Variants in ARK2N observed in about 807,000 individuals in gnomAD.
ARK2N encodes protein ARK2N.
the ARK2N span, among the ~76,000 whole-genome samples, chr18:46,198,161 G>A: frequency 0.17 from 25,391 of 151,584 alleles, 2,570 homozygotes; most frequent in East Asian, 0.4. Flanking sequence ...AGTTAGCCGG[G>A]TATGGTGGTG....
At chr18:46,201,779 C>CTTT in the ARK2N span, among the ~76,000 whole-genome samples, 107 of 135,768 alleles carry the variant, frequency 7.9e-4, no homozygotes, top group African/African-American at 2.6e-3. Flanking sequence ...CTTTTCTTTT[C>CTTT]TTTTTTTTTT....
At chr18:46,215,802 T>A in the ARK2N span, 1 of 1,343,882 alleles carries the variant, frequency 7.4e-7, no homozygotes, top group South Asian at 1.4e-5. Context: ...TTTGTGTGTT[T>A]TTGTACAGGT....
At chr18:46,220,228 A>G in the ARK2N span, among the ~76,000 whole-genome samples, 17 of 152,288 alleles carry the variant, frequency 1.1e-4, no homozygotes, top group Non-Finnish European at 2.5e-4. Flanking sequence ...CTTTTGGAGA[A>G]TGTCATTGAG....
chr18:46,189,475 G>A, the ARK2N span, among the ~76,000 whole-genome samples: 1 of 152,068 alleles, frequency 6.6e-6, no homozygotes, highest in African/African-American at 2.4e-5. Flanking sequence ...ATTATTTAAA[G>A]AGATGGGGTC....
At chr18:46,182,683 C>CTTTTTTTTT in the ARK2N span, among the ~76,000 whole-genome samples, 3 of 87,808 alleles carry the variant, frequency 3.4e-5, no homozygotes, top group African/African-American at 8.8e-5. Flanking sequence ...AGCCACAGTG[C>CTTTTTTTTT]TTTTTTTTTT....
At chr18:46,176,836 C>T in the ARK2N span, among the ~76,000 whole-genome samples, 8 of 152,230 alleles carry the variant, frequency 5.3e-5, no homozygotes, top group South Asian at 1.0e-3. Flanking sequence ...AGGCTGGTCT[C>T]GAACTCCTGA....
chr18:46,260,498 G>T, the ARK2N span, among the ~76,000 whole-genome samples: 3 of 152,190 alleles, frequency 2.0e-5, no homozygotes, highest in Non-Finnish European at 4.4e-5. Context: ...TCTCTTCATT[G>T]TTTAAAGTAG....
chr18:46,199,745 C>T, the ARK2N span, among the ~76,000 whole-genome samples: 1 of 152,124 alleles, frequency 6.6e-6, no homozygotes, highest in Non-Finnish European at 1.5e-5. Context: ...GCTTATGGGA[C>T]TGCAACTGTT....
chr18:46,176,443 T>A, the ARK2N span, among the ~76,000 whole-genome samples: 1 of 150,514 alleles, frequency 6.6e-6, no homozygotes, highest in Non-Finnish European at 1.5e-5. Flanking sequence ...AGGTGAAAAA[T>A]GTGTGTGTGT....
At chr18:46,192,299 T>C in the ARK2N span, among the ~76,000 whole-genome samples, 1 of 151,986 alleles carries the variant, frequency 6.6e-6, no homozygotes, top group African/African-American at 2.4e-5. Context: ...TCTGGCTGGG[T>C]GAGGTGGCTC....
the ARK2N span, chr18:46,253,723 A>G: frequency 5.0e-3 from 7,969 of 1,603,174 alleles, 29 homozygotes; most frequent in Non-Finnish European, 6.2e-3. Flanking sequence ...ATTCCTAGCA[A>G]GTGACAAAAC....
At chr18:46,180,216 G>A in the ARK2N span, among the ~76,000 whole-genome samples, 5 of 152,162 alleles carry the variant, frequency 3.3e-5, no homozygotes, top group African/African-American at 1.2e-4. Context: ...GGTAGATGGT[G>A]TAAATTCCTA....
chr18:46,230,676 A>G, the ARK2N span, among the ~76,000 whole-genome samples: 1 of 152,112 alleles, frequency 6.6e-6, no homozygotes, highest in African/African-American at 2.4e-5. Flanking sequence ...TCTTGTTTTC[A>G]TGGGAGAGAA....
the ARK2N span, among the ~76,000 whole-genome samples, chr18:46,177,486 C>CA: frequency 3.7e-5 from 5 of 135,946 alleles, no homozygotes; most frequent in Admixed American, 4.1e-4. Context: ...GGCTGGAGTA[C>CA]AGTGGCGCGG....
the ARK2N span, among the ~76,000 whole-genome samples, chr18:46,203,885 C>T: frequency 6.6e-6 from 1 of 152,120 alleles, no homozygotes; most frequent in African/African-American, 2.4e-5. Context: ...CCGCAACCCC[C>T]AAAAATGTTT....
the ARK2N span, among the ~76,000 whole-genome samples, chr18:46,235,312 C>T: frequency 1.5e-4 from 23 of 152,288 alleles, no homozygotes; most frequent in African/African-American, 5.5e-4. Flanking sequence ...ATTTACTTAC[C>T]GAGTTGGGTT....
chr18:46,214,093 A>G, the ARK2N span, among the ~76,000 whole-genome samples: 3 of 152,238 alleles, frequency 2.0e-5, no homozygotes, highest in Non-Finnish European at 2.9e-5. Context: ...CTGTTTTATC[A>G]ACAGCTGAGA....
the ARK2N span, among the ~76,000 whole-genome samples, chr18:46,251,673 A>G: frequency 4.6e-5 from 7 of 152,364 alleles, no homozygotes; most frequent in East Asian, 9.6e-4. Flanking sequence ...ACATATTTTT[A>G]TAGTGTTATG....
chr18:46,187,106 G>T, the ARK2N span, among the ~76,000 whole-genome samples: 1 of 151,162 alleles, frequency 6.6e-6, no homozygotes, highest in East Asian at 2.0e-4. Context: ...CGCCCGCCTT[G>T]GCCTCCCAAA....
Sources: gnomAD v4.1 joint callset for allele counts (sites outside exome capture counted in the v4.1 genomes callset) on GRCh38, gnomAD v4.1.1 for gene constraint, MANE v1.5 for transcripts, NCBI Gene and HGNC (gene_info 2026-07-23, HGNC 2026-07-21) for gene names.